The following FEZ1 variants were observed in gnomAD, a reference collection of about 807,000 sequenced individuals.
FEZ1 encodes fasciculation and elongation protein zeta 1, also known as fasciculation and elongation protein zeta-1.
A neutral mutation model predicts 49.3 loss-of-function variants in FEZ1; 20 were observed. The observed-to-expected ratio is 0.41, with a 90% confidence interval of 0.29 to 0.59. The LOEUF is 0.59. FEZ1 is among the 20% of genes least tolerant of loss of function. FEZ1 has a pLI of 0.36. For missense variants in FEZ1, 413 were observed against 476.0 expected (o/e 0.87, Z 1.23); for synonymous variants, 170 against 180.9 (o/e 0.94, Z 0.48).
chr11:125,447,811 G>T (rs1429436503), intron 9 of FEZ1, among the ~76,000 whole-genome samples: 1 of 143,930 alleles, frequency 6.9e-6, no homozygotes, highest in African/African-American at 2.6e-5. Flanking sequence ...GACAGAGCGA[G>T]ATTCCATCTC....
rs201528813 is a variant in FEZ1 at position 125,493,334 on chromosome 11, CAAGAAAGA to C, written c.-46+2779_-46+2786del. The stretch of plus-strand genomic sequence containing the variant: ...GGGCAACAAGAGCGAAACTCCATCT[CAAGAAAGA>C]AAGAAAGAAAGAAAGAGAGAAAAGA... On this transcript the variant is annotated intron_variant, in intron 1 of 9. Transcript: ENST00000278919. Among the ~76,000 whole-genome samples the C allele has an allele frequency of 2.7e-4, 26 of 95,788 alleles. 2 individuals carry two copies. The highest frequency in any genetic ancestry group is 2.6e-4 in the Non-Finnish European group (13 of 49,412). 62.8% of individuals were successfully genotyped at this position (95,788 alleles called of 152,430 possible).
At chr11:125,493,406 GAAAGAAAGAAAGAAA>G (rs1957409435) in intron 1 of FEZ1, among the ~76,000 whole-genome samples, 4 of 71,616 alleles carry the variant, frequency 5.6e-5, no homozygotes, top group Non-Finnish European at 1.0e-4. Context: ...AAGAAAGAAA[GAAAGAAAGAAAGAAA>G]GAAGGAAAGA....
rs1181974254 is a variant in FEZ1 at position 125,445,468 on chromosome 11, C to T, written c.*627G>A. ...TGCACACTCTCACCCCCGTCTCACC[C>T]ACTCTGACCAGCTCCTTTCTGCAGC... On this transcript the variant is annotated 3_prime_UTR_variant, in exon 10 of 10. Transcript: ENST00000278919. This position sits in a 1 kb window ranked among gnomAD's most constrained non-coding sequence, Gnocchi z 4.4. 1.3e-5 allele frequency among the ~76,000 whole-genome samples: 2 copies of T among 152,246 alleles called. No individual in the cohort carries two copies. The highest frequency in any genetic ancestry group is 2.9e-5 in the Non-Finnish European group (2 of 68,044).
In FEZ1 at chr11:125,489,967, A is replaced by G. The variant is rs547685449; in HGVS notation, c.-45-145T>C. Reference sequence around the variant, plus strand: ...ACGAAGCTCCTGGACAAGATCGTCTAGGTTTGCATTCTGTTCTGTCCTACC... The same window carrying G: ...ACGAAGCTCCTGGACAAGATCGTCTGGGTTTGCATTCTGTTCTGTCCTACC... On this transcript the variant is annotated intron_variant, in intron 1 of 9. Transcript: ENST00000278919. This position sits in a 1 kb window ranked among gnomAD's most constrained non-coding sequence, Gnocchi z 4.2. 1.5e-6 allele frequency: 1 copy of G among 666,584 alleles called. No individual in the cohort carries two copies. Among genetic ancestry groups the G allele is most frequent in the Admixed American group, 3.7e-5 (1 of 26,760 alleles). 41.3% of individuals were successfully genotyped at this position (666,584 alleles called of 1,614,324 possible). A position where few individuals can be genotyped will look rare whatever the true frequency, so the allele number is the denominator to read the frequency against.
rs142040535 is a variant in FEZ1 at position 125,489,625 on chromosome 11, G to C, written c.153C>G (p.Ser51=). The C allele has an allele frequency of 2.0e-5, 32 of 1,613,942 alleles. 2 individuals are homozygous for C. The highest frequency in any genetic ancestry group is 1.2e-4 in the South Asian group (11 of 91,084). ...PSLSELENFS[S]EIISFKSMED... is the part of the protein sequence containing the mutation. ...CCATGGACTTGAAGCTGATTATTTC[G>C]GAAGAAAAATTCTCAAGCTCGGAGA... Residue 51 remains serine, a synonymous_variant, in exon 2 of 10, where the codon TCC becomes TCG. Coordinates refer to ENST00000278919, the MANE Select transcript of FEZ1 (RefSeq NM_005103.5). The surrounding 1 kb of genome is among the most constrained non-coding windows in gnomAD (Gnocchi z 4.2).
chr11:125,493,393 A>G (rs186779683), intron 1 of FEZ1, among the ~76,000 whole-genome samples: 3 of 61,656 alleles, frequency 4.9e-5, no homozygotes, highest in East Asian at 4.0e-4. Context: ...AAAGAAAGAA[A>G]GAAAGAAAGA....
At chr11:125,449,441 A>AAAAAAAAGAAG (rs796507357) in intron 8 of FEZ1, among the ~76,000 whole-genome samples, 1 of 128,268 alleles carries the variant, frequency 7.8e-6, no homozygotes, top group African/African-American at 2.8e-5. Flanking sequence ...AAAAAAAAAA[A>AAAAAAAAGAAG]AAGAAGAAGA....
intron 3 of FEZ1, chr11:125,469,053 C>G (rs1435938764): frequency 6.6e-6 from 1 of 152,282 alleles, no homozygotes; most frequent in Non-Finnish European, 1.5e-5. Context: ...ACTCACCAGA[C>G]AGACCTCTGG....
Position 125,444,363 on chromosome 11 carries a change from A to G in FEZ1, c.*1732T>C, listed in dbSNP as rs12797616. 0.5 allele frequency among the ~76,000 whole-genome samples: 75,790 copies of G among 152,066 alleles called. 19,240 individuals carry two copies. Among genetic ancestry groups the G allele is most frequent in the South Asian group, 0.66 (3,166 of 4,818 alleles). ...CACTTTGGGAAGCCTAGGAGGGCAGATCGCCTGAGGTCGGGAGTTCGAGAC... is the reference window on the plus strand; with the variant it reads ...CACTTTGGGAAGCCTAGGAGGGCAGGTCGCCTGAGGTCGGGAGTTCGAGAC... On this transcript the variant is annotated 3_prime_UTR_variant, in exon 10 of 10. Transcript: ENST00000278919.
intron 3 of FEZ1, chr11:125,469,114 C>T (rs1957160855): frequency 6.6e-5 from 10 of 152,274 alleles, no homozygotes; most frequent in Admixed American, 6.5e-4. Context: ...TTTATTCTGT[C>T]CATCAAGCCA....
intron 5 of FEZ1, chr11:125,456,397 T>C (rs1021747412): frequency 5.5e-6 from 2 of 364,104 alleles, no homozygotes; most frequent in East Asian, 8.3e-5. Flanking sequence ...GGTTTGTTCC[T>C]TCTATTTTCT....
In FEZ1 at chr11:125,445,780, T is replaced by G. The variant is rs1956892762; in HGVS notation, c.*315A>C. The G allele has an allele frequency of 2.5e-6, 1 of 399,296 alleles. No homozygotes were observed. The highest frequency in any genetic ancestry group is 4.8e-6 in the Non-Finnish European group (1 of 208,292). 24.7% of individuals were successfully genotyped at this position (399,296 alleles called of 1,614,324 possible). Reference sequence around the variant, plus strand: ...ATTAAATGAAGGTTTTATTTCAAAATTAGTCTTAAGAGTATAAGCTGTTTT... The same window carrying G: ...ATTAAATGAAGGTTTTATTTCAAAAGTAGTCTTAAGAGTATAAGCTGTTTT... On this transcript the variant is annotated 3_prime_UTR_variant, in exon 10 of 10. Transcript: ENST00000278919. This position sits in a 1 kb window ranked among gnomAD's most constrained non-coding sequence, Gnocchi z 4.4.
chr11:125,477,665 G>A (rs1237192492), intron 3 of FEZ1, among the ~76,000 whole-genome samples: 1 of 152,140 alleles, frequency 6.6e-6, no homozygotes. Context: ...CAGGTACTAG[G>A]CACTAAGGAC....
Position 125,489,829 on chromosome 11 carries a change from G to T in FEZ1, c.-45-7C>A. The T allele has an allele frequency of 2.0e-6, 3 of 1,511,886 alleles. No individual in the cohort carries two copies. Among genetic ancestry groups the T allele is most frequent in the Non-Finnish European group, 2.7e-6 (3 of 1,131,726 alleles). 93.7% of individuals were successfully genotyped at this position (1,511,886 alleles called of 1,614,324 possible). On this transcript the variant is annotated splice_region_variant and splice_polypyrimidine_tract_variant and intron_variant, in intron 1 of 9. Transcript: ENST00000278919. The surrounding 1 kb of genome is among the most constrained non-coding windows in gnomAD (Gnocchi z 4.2). ...ACTTTCAGGATGAGTTTATCTAAAA[G>T]AAATGAACAGCGTAATGTGAGTTTA...
At chr11:125,448,378 T>C in intron 9 of FEZ1, 124 bp downstream of exon 9, 1 of 663,538 alleles carries the variant, frequency 1.5e-6, no homozygotes, top group Non-Finnish European at 2.7e-6. Flanking sequence ...GCCTTTCAAT[T>C]GTCCCTGATT....
chr11:125,495,797 CG>C lies in FEZ1; in HGVS notation c.-46+323del, dbSNP rs2135800918. 1 of 293,530 alleles carries C rather than the reference CG, an allele frequency of 3.4e-6. No individual in the cohort carries two copies. The highest frequency in any genetic ancestry group is 6.4e-6 in the Non-Finnish European group (1 of 156,322). 18.2% of individuals were successfully genotyped at this position (293,530 alleles called of 1,614,324 possible). A position where few individuals can be genotyped will look rare whatever the true frequency, so the allele number is the denominator to read the frequency against. On this transcript the variant is annotated intron_variant, in intron 1 of 9. Coordinates refer to ENST00000278919, the MANE Select transcript of FEZ1 (RefSeq NM_005103.5). The surrounding 1 kb of genome is among the most constrained non-coding windows in gnomAD (Gnocchi z 4.2). The stretch of plus-strand genomic sequence containing the variant: ...GCGCACACACGCGGGCACACACACG[CG>C]GACACACACACACACACACACACAC...
Position 125,495,487 on chromosome 11 carries a change from C to G in FEZ1, c.-46+634G>C, listed in dbSNP as rs575647057. On this transcript the variant is annotated intron_variant, in intron 1 of 9. Transcript: ENST00000278919. The surrounding 1 kb of genome is among the most constrained non-coding windows in gnomAD (Gnocchi z 4.2). ...CCGCGCAGCCGCCCCGGTCCCTTCT[C>G]CCGCCCGTCTGTAGTAAAACAATCG... 4.2e-6 allele frequency: 2 copies of G among 470,990 alleles called. No homozygotes were observed. The highest frequency in any genetic ancestry group is 8.8e-6 in the Non-Finnish European group (2 of 227,058). The allele number at this position is 470,990 out of a possible 1,614,324, so 29.2% of individuals were successfully genotyped here. A position where few individuals can be genotyped will look rare whatever the true frequency, so the allele number is the denominator to read the frequency against.
At position 125,460,535 on chromosome 11, in the gene FEZ1, T is replaced by C. The variant is rs1269868779; in HGVS notation, c.630A>G (p.Ala210=). The C allele has an allele frequency of 6.2e-7, 1 of 1,614,154 alleles. No homozygotes were observed. The highest frequency in any genetic ancestry group is 1.7e-4 in the Middle Eastern group (1 of 6,044). Residue 210 remains alanine, a synonymous_variant, in exon 5 of 10, where the codon GCA becomes GCG. Transcript: ENST00000278919. ...AGTTGTTGTTGAAGGTCTGTGTCAA[T>C]GCCTGCATCTCCTGCAGGAGGACCG... ...ADSVLLQEMQ[A]LTQTFNNNWS... is the part of the protein sequence containing the mutation.
intron 2 of FEZ1, chr11:125,488,879 AG>A: frequency 1.0e-6 from 1 of 985,384 alleles, no homozygotes; most frequent in Non-Finnish European, 1.2e-6. Context: ...GAAAGTAGCG[AG>A]CAAGTGATAC....
Sources: allele counts gnomAD v4.1 joint callset (sites outside exome capture counted in the v4.1 genomes callset), GRCh38; gene constraint gnomAD v4.1.1; non-coding constraint Gnocchi (gnomAD v3.1); transcripts MANE v1.5; gene names NCBI Gene and HGNC (gene_info 2026-07-23, HGNC 2026-07-21).